The following VPS54 variants were observed in gnomAD, a reference collection of about 807,000 sequenced individuals.
The protein encoded by VPS54 is VPS54 subunit of GARP complex.
Under a neutral mutation model 121.5 loss-of-function variants are expected in VPS54, and 45 were observed. The ratio of observed to expected loss-of-function variants is 0.37; its 90% CI spans 0.29 to 0.47. The LOEUF is 0.47. Ranked by LOEUF, VPS54 falls within the 20% of genes least tolerant of loss-of-function variation. The pLI is 0.99. For missense variants in VPS54, 1,090 were observed against 1,131.4 expected, an observed-to-expected ratio of 0.96 and a Z score of 0.52; for synonymous variants, 371 against 385.8, an observed-to-expected ratio of 0.96 and a Z score of 0.45.
chr2:64,004,922 G>A (rs1362583900), intron 1 of VPS54, among the ~76,000 whole-genome samples: 1 of 151,736 alleles, frequency 6.6e-6, no homozygotes, highest in Non-Finnish European at 1.5e-5. Context: ...GGGACCACAG[G>A]TGCACACTAC....
At chr2:63,914,670 C>T (rs573191344) in intron 16 of VPS54, among the ~76,000 whole-genome samples, 1 of 151,954 alleles carries the variant, frequency 6.6e-6, no homozygotes, top group South Asian at 2.1e-4. Flanking sequence ...GAAACACTGA[C>T]AAAAAGCCTA....
At chr2:63,992,794 A>C (rs942564256) in intron 1 of VPS54, among the ~76,000 whole-genome samples, 11 of 152,236 alleles carry the variant, frequency 7.2e-5, no homozygotes, top group East Asian at 1.9e-4. Context: ...ATACCTAAAA[A>C]TTGGCCTCTC....
intron 20 of VPS54, among the ~76,000 whole-genome samples, chr2:63,900,888 G>A (rs140049270): frequency 1.8e-4 from 28 of 152,026 alleles, no homozygotes; most frequent in South Asian, 4.2e-4. Context: ...TCAGCCTCCC[G>A]AGTAGCTGGG....
intron 22 of VPS54, among the ~76,000 whole-genome samples, chr2:63,894,498 T>C (rs1558972853): frequency 6.6e-6 from 1 of 152,078 alleles, no homozygotes; most frequent in African/African-American, 2.4e-5. Flanking sequence ...GCTCAGGAGT[T>C]TAAGACCAGC....
chr2:63,981,509 G>T, intron 3 of VPS54, 137 bp downstream of exon 3: 2 of 952,238 alleles, frequency 2.1e-6, no homozygotes, highest in Non-Finnish European at 3.0e-6. Flanking sequence ...ATGCAACCCA[G>T]GACAGTACAA....
intron 10 of VPS54, among the ~76,000 whole-genome samples, chr2:63,943,200 T>C (rs1423438508): frequency 1.3e-5 from 2 of 152,214 alleles, no homozygotes; most frequent in Non-Finnish European, 2.9e-5. Flanking sequence ...ATTTTGATAG[T>C]TGACAGAAAT....
At chr2:63,951,117 A>G (rs1331479126) in intron 7 of VPS54, among the ~76,000 whole-genome samples, 2 of 151,712 alleles carry the variant, frequency 1.3e-5, no homozygotes, top group African/African-American at 2.4e-5. Flanking sequence ...TAAAATCTGC[A>G]TTTTCAATAA....
At position 63,906,513 on chromosome 2, in the gene VPS54, T is replaced by C. The variant is rs187802934; in HGVS notation, c.2625+5832A>G. Reference sequence around the variant, plus strand: ...AAATTTTGATCAAAGAAATTAAAGATGTAAGGAGTAAAGAGATAGGTCCAG... The same window carrying C: ...AAATTTTGATCAAAGAAATTAAAGACGTAAGGAGTAAAGAGATAGGTCCAG... On this transcript the variant is annotated intron_variant, in intron 20 of 22. Coordinates refer to ENST00000272322, the MANE Select transcript of VPS54 (RefSeq NM_016516.3). Among the ~76,000 whole-genome samples the C allele has an allele frequency of 5.5e-4, 83 of 152,282 alleles. 1 individual carries two copies. The highest frequency in any genetic ancestry group is 1.8e-3 in the African/African-American group (75 of 41,554).
Position 63,893,295 on chromosome 2 carries a change from A to G in VPS54, c.*135T>C. Reference sequence around the variant, plus strand: ...TGAATCCAGTTTCCCAACACTTGATACTTTCCTTTTTCCCTTCCCCCACCC... The same window carrying G: ...TGAATCCAGTTTCCCAACACTTGATGCTTTCCTTTTTCCCTTCCCCCACCC... On this transcript the variant is annotated 3_prime_UTR_variant, in exon 23 of 23. Transcript: ENST00000272322. 1 of 818,658 alleles carries G rather than the reference A, an allele frequency of 1.2e-6. No homozygotes were observed. The highest frequency in any genetic ancestry group is 2.2e-6 in the Non-Finnish European group (1 of 462,506). 50.7% of individuals were successfully genotyped at this position (818,658 alleles called of 1,614,324 possible). A position where few individuals can be genotyped will look rare whatever the true frequency, so the allele number is the denominator to read the frequency against.
intron 12 of VPS54, among the ~76,000 whole-genome samples, chr2:63,927,461 T>C (rs557272661): frequency 6.6e-6 from 1 of 151,990 alleles, no homozygotes; most frequent in East Asian, 1.9e-4. Flanking sequence ...AGGAATAGCA[T>C]CAACATCAAC....
At chr2:63,974,955 TA>T in intron 3 of VPS54, 1 of 1,540,828 alleles carries the variant, frequency 6.5e-7, no homozygotes, top group Non-Finnish European at 8.8e-7. Context: ...AAGACAATGT[TA>T]AAAGAAACAG....
chr2:63,899,431 GTA>G lies in VPS54; in HGVS notation c.2733+41_2733+42del, dbSNP rs1331908105. On this transcript the variant is annotated intron_variant, in intron 21 of 22. Coordinates refer to ENST00000272322, the MANE Select transcript of VPS54 (RefSeq NM_016516.3). Reference sequence around the variant, plus strand: ...AACACCCCAATTCTGTACAGATATTGTATGTTATATATACATGAATAGTTTTA... The same window carrying G: ...AACACCCCAATTCTGTACAGATATTGTGTTATATATACATGAATAGTTTTA... The G allele has an allele frequency of 2.6e-6, 4 of 1,539,626 alleles. No individual in the cohort carries two copies. In the South Asian group the frequency reaches 4.5e-5, roughly 17 times the overall value.
At chr2:63,902,537 C>A (rs1428530984) in intron 20 of VPS54, among the ~76,000 whole-genome samples, 1 of 151,740 alleles carries the variant, frequency 6.6e-6, no homozygotes, top group Non-Finnish European at 1.5e-5. Context: ...CTTCTACATA[C>A]AAGGTTCAGC....
At chr2:63,987,036 T>C (rs181532462) in intron 1 of VPS54, among the ~76,000 whole-genome samples, 18 of 152,336 alleles carry the variant, frequency 1.2e-4, no homozygotes, top group Non-Finnish European at 2.2e-4. Context: ...CCTCACTTTG[T>C]TGTTTCCTTT....
intron 20 of VPS54, among the ~76,000 whole-genome samples, chr2:63,909,952 C>G (rs1426136751): frequency 6.6e-6 from 1 of 151,980 alleles, no homozygotes; most frequent in Non-Finnish European, 1.5e-5. Context: ...GTCTTGAACT[C>G]CTGACCTCAG....
chr2:63,972,218 C>A lies in VPS54; in HGVS notation c.405G>T (p.Lys135Asn). 1 of 1,594,522 alleles carries A rather than the reference C, an allele frequency of 6.3e-7. No homozygotes were observed. Among genetic ancestry groups the A allele is most frequent in the Non-Finnish European group, 8.6e-7 (1 of 1,166,772 alleles). The stretch of plus-strand genomic sequence containing the variant: ...AGGTATCTTTAGGAGGACAAATATT[C>A]TTGCATCTCTCATGAATCTTCTCTC... ...SQREKIHERC[K>N]NICPPKDTFE... is the part of the protein sequence containing the mutation. Residue 135 changes from lysine (K) to asparagine (N), a missense_variant, in exon 4 of 23, where the codon AAG becomes AAT. Coordinates refer to ENST00000272322, the MANE Select transcript of VPS54 (RefSeq NM_016516.3).
chr2:63,973,793 C>T (rs923940820), intron 3 of VPS54, among the ~76,000 whole-genome samples: 2 of 152,186 alleles, frequency 1.3e-5, no homozygotes, highest in African/African-American at 4.8e-5. Context: ...GATTCTTCCA[C>T]CTCCACCTCC....
chr2:63,933,252 A>C (rs776849624), intron 12 of VPS54, among the ~76,000 whole-genome samples: 1 of 152,094 alleles, frequency 6.6e-6, no homozygotes, highest in Admixed American at 6.5e-5. Context: ...TGAAAAACCA[A>C]AAGTTATAAA....
At chr2:63,919,006 G>A (rs920147742) in intron 15 of VPS54, among the ~76,000 whole-genome samples, 2 of 152,052 alleles carry the variant, frequency 1.3e-5, no homozygotes, top group African/African-American at 4.8e-5. Context: ...TTGTGCGAAT[G>A]TGAAGTATAC....
Sources: allele counts gnomAD v4.1 joint callset (sites outside exome capture counted in the v4.1 genomes callset), GRCh38; gene constraint gnomAD v4.1.1; transcripts MANE v1.5; gene names NCBI Gene and HGNC (gene_info 2026-07-23, HGNC 2026-07-21).